ZFC3H1: variants seen among roughly 807,000 people sequenced by gnomAD.
ZFC3H1 encodes zinc finger C3H1 domain-containing protein.
In ZFC3H1, 71 loss-of-function variants were observed where a neutral mutation model predicts 243.7. The ratio of observed to expected loss-of-function variants is 0.29; its 90% confidence interval spans 0.24 to 0.36. The LOEUF (loss-of-function observed/expected upper bound fraction) is 0.36, where lower values mean the gene tolerates loss of function less well. ZFC3H1 is among the 10% of genes least tolerant of loss of function. The pLI, the probability that ZFC3H1 is intolerant of heterozygous loss-of-function variation, is 1.00. For missense variants in ZFC3H1, 1,966 were observed against 2,317.1 expected (o/e 0.85, Z 3.11); for synonymous variants, 838 against 813.0 (o/e 1.03, Z -0.52).
chr12:71,617,271 G>A (rs914721710), intron 27 of ZFC3H1, among the ~76,000 whole-genome samples: 8 of 152,060 alleles, frequency 5.3e-5, no homozygotes, highest in Non-Finnish European at 8.8e-5. Context: ...CTCATCTATC[G>A]TCATTCTCCT....
At chr12:71,638,663 A>G (rs1880526922) in intron 6 of ZFC3H1, 148 bp from the exon 7 acceptor site, 1 of 631,748 alleles carries the variant, frequency 1.6e-6, no homozygotes, top group Admixed American at 3.4e-5. Context: ...ACCCCTCATG[A>G]GTCCACCTCC....
intron 12 of ZFC3H1, 59 bp from the exon 13 acceptor site, chr12:71,633,497 A>C: frequency 7.1e-7 from 1 of 1,414,014 alleles, no homozygotes; most frequent in African/African-American, 1.5e-5. Flanking sequence ...GACTGTCAGA[A>C]TAAAAAAATT....
intron 27 of ZFC3H1, among the ~76,000 whole-genome samples, chr12:71,616,746 G>A (rs927148882): frequency 3.3e-4 from 50 of 151,944 alleles, no homozygotes; most frequent in Admixed American, 1.3e-3. Flanking sequence ...TGAATTAGAC[G>A]GGCTGTATGG....
Position 71,631,884 on chromosome 12 carries a change from T to G in ZFC3H1, c.3364A>C (p.Ile1122Leu). ...GTGACAAAATCCACATCTACAGAAA[T>G]CTCCTGCAAAAGAAAATAATAATTC... ...ITEKVLHGQE[I>L]SVDVDFVTAQ... The change falls in exon 16 of 35, where the codon ATT becomes CTT. Residue 1122 changes from isoleucine to leucine, a missense_variant. Transcript: ENST00000378743. The G allele has an allele frequency of 6.2e-7, 1 of 1,609,206 alleles. No individual in the cohort carries two copies. Among genetic ancestry groups the G allele is most frequent in the South Asian group, 1.1e-5 (1 of 89,614 alleles).
chr12:71,639,636 T>C (rs1434579712), intron 6 of ZFC3H1, among the ~76,000 whole-genome samples: 2 of 152,182 alleles, frequency 1.3e-5, no homozygotes, highest in African/African-American at 4.8e-5. Context: ...CACTGCCAGG[T>C]GCCAGGAGAG....
rs925069550 is a variant in ZFC3H1, at chr12:71,638,290, C to A, written c.1725+128G>T. 15 of 867,316 alleles carry A rather than the reference C, an allele frequency of 1.7e-5. No individual in the cohort carries two copies. In the Admixed American group the frequency reaches 3.1e-4, roughly 18 times the overall value. The allele number at this position is 867,316 out of a possible 1,614,324, so 53.7% of individuals were successfully genotyped here. A position where few individuals can be genotyped will look rare whatever the true frequency, so the allele number is the denominator to read the frequency against. ...AATCAACTGTTTATTCTACGTATTT[C>A]ATTGCTATTAATTCTTGGTAAGCAA... is the stretch of plus-strand genomic sequence containing the variant. On this transcript the variant is annotated intron_variant, in intron 7 of 34. Coordinates refer to ENST00000378743, the MANE Select transcript of ZFC3H1 (RefSeq NM_144982.5).
chr12:71,618,525 A>AT (rs1879946029), intron 27 of ZFC3H1, among the ~76,000 whole-genome samples: 1 of 152,198 alleles, frequency 6.6e-6, no homozygotes, highest in South Asian at 2.1e-4. Flanking sequence ...CTATTTTTGT[A>AT]AACAGTTATA....
chr12:71,653,599 C>T (rs1002739657), intron 2 of ZFC3H1, among the ~76,000 whole-genome samples: 2 of 152,092 alleles, frequency 1.3e-5, no homozygotes, highest in Non-Finnish European at 2.9e-5. Context: ...TACAGAATAT[C>T]AAAGACAAAA....
intron 9 of ZFC3H1, 39 bp downstream of exon 9, chr12:71,636,451 A>C: frequency 6.4e-7 from 1 of 1,566,422 alleles, no homozygotes; most frequent in African/African-American, 1.4e-5. Context: ...ATTTATCATA[A>C]CTGTTTGAAT....
Position 71,663,735 on chromosome 12 carries a change from C to T in ZFC3H1, c.-125G>A. Reference sequence around the variant, plus strand: ...GGTCTTACCCTACTCGGACACCAAGCGGCCTCTGCTCCCCAACTTCCCCGC... The same window carrying T: ...GGTCTTACCCTACTCGGACACCAAGTGGCCTCTGCTCCCCAACTTCCCCGC... On this transcript the variant is annotated 5_prime_UTR_variant, in exon 1 of 35. Transcript: ENST00000378743. 2 of 1,181,436 alleles carry T rather than the reference C, an allele frequency of 1.7e-6. No individual in the cohort carries two copies. The highest frequency in any genetic ancestry group is 2.4e-6 in the Non-Finnish European group (2 of 844,224). The allele number at this position is 1,181,436 out of a possible 1,614,324, so 73.2% of individuals were successfully genotyped here.
chr12:71,619,334 T>G lies in ZFC3H1; in HGVS notation c.5125A>C (p.Asn1709His). 6.2e-7 allele frequency: 1 copy of G among 1,613,742 alleles called. No homozygotes were observed. The highest frequency in any genetic ancestry group is 8.5e-7 in the Non-Finnish European group (1 of 1,179,796). Reference protein sequence around the residue: ...SFFKPGFEKYNNLDLFRYLLN... With the variant: ...SFFKPGFEKYHNLDLFRYLLN... ...ACTTACCGAAACAGATCCAAGTTAT[T>G]ATACTTCTCAAACCCCGGTTTAAAG... Residue 1709 changes from asparagine to histidine, a missense_variant, in exon 27 of 35, where the codon AAT (asparagine) becomes CAT (histidine). Physicochemically the swap from Asn to His is moderately conservative, Grantham distance 68 (BLOSUM62 1). This residue lies in a region of ZFC3H1 where 1,383 missense variants were observed against 1,723.7 expected (regional missense o/e 0.80). Transcript: ENST00000378743.
rs76997611 is a variant in ZFC3H1, at chr12:71,627,971, C to A, written c.3947-37G>T. 1.2e-3 allele frequency: 1,853 copies of A among 1,582,498 alleles called. 22 individuals are homozygous for A. In the African/African-American group the frequency reaches 0.022, roughly 19 times the overall value. On this transcript the variant is annotated intron_variant, in intron 20 of 34. Coordinates refer to ENST00000378743, the MANE Select transcript of ZFC3H1 (RefSeq NM_144982.5). ...AAAAGTATTATTAGCTTCACATTTT[C>A]TTTAGTCCACAGATGCAAGAAAAAG...
Position 71,642,573 on chromosome 12 carries a change from A to G in ZFC3H1, c.1504-14T>C. On this transcript the variant is annotated splice_polypyrimidine_tract_variant and intron_variant, in intron 5 of 34. Transcript: ENST00000378743. ...AGGATCTGAAGACTAAGTATACAAC[A>G]CTTTTTTAGTTTCAAAGCATTTTCT... 2 of 1,587,890 alleles carry G rather than the reference A, an allele frequency of 1.3e-6. No individual in the cohort carries two copies. The highest frequency in any genetic ancestry group is 1.7e-6 in the Non-Finnish European group (2 of 1,168,184).
chr12:71,635,474 G>C lies in ZFC3H1; in HGVS notation c.2207C>G (p.Ser736Cys). 1 of 1,574,872 alleles carries C rather than the reference G, an allele frequency of 6.3e-7. No homozygotes were observed. The highest frequency in any genetic ancestry group is 1.2e-5 in the South Asian group (1 of 83,474). The part of the protein sequence containing the change: ...STNSVFGGLE[S>C]MIKEARRTAE... ...AGTTCGTCTTGCTTCTTTAATCATG[G>C]ACTCTAATCCACCAAAAACACTATT... Residue 736 changes from serine to cysteine, a missense_variant, in exon 10 of 35, where the codon TCC becomes TGC. Ser to Cys is a moderately radical substitution (Grantham distance 112, BLOSUM62 -1). This residue lies in a region of ZFC3H1 where 1,383 missense variants were observed against 1,723.7 expected (regional missense o/e 0.80). Transcript: ENST00000378743.
Position 71,627,905 on chromosome 12 carries a change from G to T in ZFC3H1, c.3976C>A (p.Pro1326Thr), listed in dbSNP as rs565546822. The T allele has an allele frequency of 2.5e-6, 4 of 1,612,058 alleles. No individual in the cohort carries two copies. The highest frequency in any genetic ancestry group is 3.3e-4 in the Middle Eastern group (2 of 6,058). ...GGAGTGACAACTGTATCCAGAGCTGGAACATTTATTTGGTTCTCTGGCTGG... is the reference window on the plus strand; with the variant it reads ...GGAGTGACAACTGTATCCAGAGCTGTAACATTTATTTGGTTCTCTGGCTGG... ...AFQPENQINV[P>T]ALDTVVTPDD... The change falls in exon 21 of 35, where the codon CCA (proline) becomes ACA (threonine). Residue 1326 changes from proline (P) to threonine (T), a missense_variant. Pro to Thr is a conservative substitution (Grantham distance 38). Transcript: ENST00000378743.
At chr12:71,655,161 G>A (rs1880986021) in intron 2 of ZFC3H1, among the ~76,000 whole-genome samples, 1 of 152,012 alleles carries the variant, frequency 6.6e-6, no homozygotes, top group Admixed American at 6.5e-5. Context: ...TTACATACTG[G>A]ACAATAAAGG....
chr12:71,614,404 A>G, intron 30 of ZFC3H1, 131 bp downstream of exon 30: 1 of 808,944 alleles, frequency 1.2e-6, no homozygotes, highest in Non-Finnish European at 1.8e-6. Context: ...AACATAGTCA[A>G]GAATAATAGT....
chr12:71,643,308 G>A (rs1413155181), intron 5 of ZFC3H1, among the ~76,000 whole-genome samples: 1 of 151,984 alleles, frequency 6.6e-6, no homozygotes, highest in Middle Eastern at 3.2e-3. Flanking sequence ...AGCTACTCGG[G>A]AGACTGGGGC....
intron 18 of ZFC3H1, 151 bp from the exon 19 acceptor site, chr12:71,629,861 ATTATC>A (rs1880276602): frequency 1.8e-6 from 1 of 558,136 alleles, no homozygotes; most frequent in South Asian, 2.3e-5. Flanking sequence ...CAAAGCCTGT[ATTATC>A]TTAACTACTA....
Sources: gnomAD v4.1 joint callset for allele counts (sites outside exome capture counted in the v4.1 genomes callset) on GRCh38, gnomAD v4.1.1 for gene constraint, gnomAD v4.1.1 regional missense constraint, MANE v1.5 for transcripts, NCBI Gene and HGNC (gene_info 2026-07-23, HGNC 2026-07-21) for gene names.